Variants in SHC2 observed in about 807,000 individuals in gnomAD.
SHC2 encodes the protein SHC-transforming protein 2.
Under a neutral mutation model 60.6 loss-of-function variants are expected in SHC2, and 62 were observed. The ratio of observed to expected loss-of-function variants is 1.02; its 90% confidence interval spans 0.83 to 1.26. The LOEUF (loss-of-function observed/expected upper bound fraction) is 1.26, where lower values mean the gene tolerates loss of function less well. SHC2 is among the 50% of genes most tolerant of loss of function. SHC2 has a pLI of 0.00. For missense variants in SHC2, 873 were observed against 822.2 expected, an observed-to-expected ratio of 1.06 and a Z score of -0.76; for synonymous variants, 375 against 372.4, an observed-to-expected ratio of 1.01 and a Z score of -0.08.
intron 1 of SHC2, among the ~76,000 whole-genome samples, chr19:447,959 C>CT (rs1349553641): frequency 1.3e-5 from 2 of 152,212 alleles, no homozygotes; most frequent in Non-Finnish European, 2.9e-5. Context: ...GCCAGGATGT[C>CT]TGCACAGTGT....
At position 454,909 on chromosome 19, in the gene SHC2, G is replaced by A. The variant is rs574883594; in HGVS notation, c.468+5620C>T. 3.3e-5 allele frequency among the ~76,000 whole-genome samples: 5 copies of A among 152,318 alleles called. No individual in the cohort carries two copies. In the South Asian group the frequency reaches 6.2e-4, roughly 19 times the overall value. On this transcript the variant is annotated intron_variant, in intron 1 of 12. Transcript: ENST00000264554. ...GCCTCTCCCAGTGCTGGTGGTGGCC[G>A]GGGCTCCCTGACATCCTTGGCCCGT...
At chr19:432,913 T>A (rs1399319945) in intron 8 of SHC2, among the ~76,000 whole-genome samples, 4 of 852 alleles carry the variant, frequency 4.7e-3, no homozygotes, top group Non-Finnish European at 5.3e-3. Flanking sequence ...TGAGTGAGAG[T>A]TAGAGGAGGC....
chr19:431,059 G>C (rs1568285760), intron 8 of SHC2, among the ~76,000 whole-genome samples: 1 of 152,180 alleles, frequency 6.6e-6, no homozygotes. Context: ...CTATTCACCA[G>C]TCAGGGCTCT....
At chr19:419,498 T>C (rs10414766) in intron 11 of SHC2, 14,559 of 153,308 alleles carry the variant, frequency 0.095, 1,472 homozygotes, top group East Asian at 0.35. Context: ...GAGCAGAGAT[T>C]GGAGCCGTGT....
chr19:427,153 G>C (rs998095039), intron 9 of SHC2, among the ~76,000 whole-genome samples: 4 of 152,230 alleles, frequency 2.6e-5, no homozygotes, highest in Admixed American at 6.5e-5. Flanking sequence ...GGGCTCTGAC[G>C]CTTGGCAGCG....
Position 422,333 on chromosome 19 carries a change from G to A in SHC2, c.1433C>T (p.Thr478Met), listed in dbSNP as rs74253426. 29 of 1,610,220 alleles carry A rather than the reference G, an allele frequency of 1.8e-5. No individual in the cohort carries two copies. Among genetic ancestry groups the A allele is most frequent in the Middle Eastern group, 1.7e-4 (1 of 6,056 alleles). Residue 478 changes from threonine (T) to methionine (M), a missense_variant, in exon 11 of 13, where the codon ACG becomes ATG. Thr to Met is a moderately conservative substitution (Grantham distance 81). Transcript: ENST00000264554. This position sits in a 1 kb window ranked among gnomAD's most constrained non-coding sequence, Gnocchi z 5.0. ...PPTRRAPVAP[T>M]EEQLRQEPWY... ...GGGCTCCTGACGCAGCTGTTCCTCCGTGGGGGCCACAGGGGCCCGGCGGGT... is the reference window on the plus strand; with the variant it reads ...GGGCTCCTGACGCAGCTGTTCCTCCATGGGGGCCACAGGGGCCCGGCGGGT...
At chr19:437,114 G>A (rs1974742124) in intron 4 of SHC2, among the ~76,000 whole-genome samples, 1 of 152,206 alleles carries the variant, frequency 6.6e-6, no homozygotes, top group South Asian at 2.1e-4. Context: ...AAGGGCACCT[G>A]TGAGTGCATT....
intron 9 of SHC2, 112 bp downstream of exon 9, chr19:430,572 A>C: frequency 6.3e-6 from 5 of 795,886 alleles, no homozygotes; most frequent in Non-Finnish European, 1.0e-5. Flanking sequence ...GATCTCATAG[A>C]TTAATGTGAA....
chr19:443,691 T>C (rs1974973105), intron 1 of SHC2, among the ~76,000 whole-genome samples: 1 of 145,846 alleles, frequency 6.9e-6, no homozygotes, highest in South Asian at 2.2e-4. Flanking sequence ...GATGGATGGG[T>C]GGGTGGATGA....
rs748142476 is a variant in SHC2 at position 436,161 on chromosome 19, T to G, written c.953+4A>C. 1.9e-6 allele frequency: 3 copies of G among 1,611,148 alleles called. No individual in the cohort carries two copies. The East Asian group carries it at 6.7e-5, about 36-fold the overall frequency. Reference sequence around the variant, plus strand: ...CAGGGCACGGGGGAGGCAGCTCTGGTTACCTTTCTGGGGGCAGCGCCACCT... The same window carrying G: ...CAGGGCACGGGGGAGGCAGCTCTGGGTACCTTTCTGGGGGCAGCGCCACCT... On this transcript the variant is annotated splice_donor_region_variant and intron_variant, in intron 7 of 12. Coordinates refer to ENST00000264554, the MANE Select transcript of SHC2 (RefSeq NM_012435.3).
chr19:434,507 A>G (rs1974667014), intron 8 of SHC2, among the ~76,000 whole-genome samples: 2 of 1,678 alleles, frequency 1.2e-3, no homozygotes, highest in Non-Finnish European at 2.0e-3. Context: ...ATCATGAGTG[A>G]GATCGTGAGC....
chr19:451,349 G>A (rs1042365743), intron 1 of SHC2, among the ~76,000 whole-genome samples: 26 of 138,912 alleles, frequency 1.9e-4, no homozygotes, highest in African/African-American at 6.5e-4. Context: ...TGGCTGTGCC[G>A]TATTTCAGCG....
intron 9 of SHC2, among the ~76,000 whole-genome samples, chr19:428,568 C>T (rs186642403): frequency 3.3e-4 from 50 of 152,318 alleles, no homozygotes; most frequent in African/African-American, 9.4e-4. Flanking sequence ...CTATGACGCA[C>T]GTTTGAACTG....
intron 2 of SHC2, among the ~76,000 whole-genome samples, chr19:439,952 G>A (rs1974821508): frequency 6.6e-6 from 1 of 150,970 alleles, no homozygotes; most frequent in African/African-American, 2.5e-5. Flanking sequence ...CTTGAACCCA[G>A]GAGACAGAGG....
At chr19:430,625 C>G (rs1471556568) in intron 9 of SHC2, 59 bp downstream of exon 9, 15 of 1,419,656 alleles carry the variant, frequency 1.1e-5, no homozygotes, top group South Asian at 6.0e-5. Context: ...CAGCACAGGA[C>G]AGGGCTGAGG....
chr19:419,074 C>G lies in SHC2; in HGVS notation c.1621-18G>C. On this transcript the variant is annotated intron_variant, in intron 11 of 12. Coordinates refer to ENST00000264554, the MANE Select transcript of SHC2 (RefSeq NM_012435.3). The stretch of plus-strand genomic sequence containing the variant: ...GTCCGTACCTGCGGGACAGAGACCT[C>G]GGCATCAGCTCCCGGGAGCCCGCCT... 4.5e-6 allele frequency: 7 copies of G among 1,562,406 alleles called. No individual in the cohort carries two copies. The highest frequency in any genetic ancestry group is 6.1e-6 in the Non-Finnish European group (7 of 1,149,942).
Position 418,936 on chromosome 19 carries a change from C to A in SHC2, c.1741G>T (p.Glu581Ter). The A allele has an allele frequency of 6.3e-7, 1 of 1,589,724 alleles. No individual in the cohort carries two copies. Residue 581 changes from glutamate (E) to a stop codon, truncating the protein, a stop_gained, in exon 12 of 13, where the codon GAG becomes TAG. Transcript: ENST00000264554. LOFTEE classifies it high-confidence loss of function. ...ELHLRGVVSR[E>*]P is the part of the protein sequence containing the mutation. ...GCAGCCACACACCTGGCTCAGGGCT[C>A]CCGTGAGACCACGCCACGCAGGTGC...
chr19:421,063 G>A (rs1239363916), intron 11 of SHC2, among the ~76,000 whole-genome samples: 1 of 146,368 alleles, frequency 6.8e-6, no homozygotes. Context: ...AGAAAGAAAG[G>A]AAAGGAAGAA....
intron 1 of SHC2, among the ~76,000 whole-genome samples, chr19:457,644 T>A (rs987526415): frequency 5.3e-5 from 8 of 152,148 alleles, no homozygotes; most frequent in African/African-American, 9.6e-5. Context: ...AGGGGAAGCG[T>A]ATGCTAAATA....
Sources: allele counts gnomAD v4.1 joint callset (sites outside exome capture counted in the v4.1 genomes callset), GRCh38; gene constraint gnomAD v4.1.1; non-coding constraint Gnocchi (gnomAD v3.1); transcripts MANE v1.5; gene names NCBI Gene and HGNC (gene_info 2026-07-23, HGNC 2026-07-21).